CFDP1: variants seen among roughly 807,000 people sequenced by gnomAD.
The protein encoded by CFDP1 is chromatin remodeling protein CFDP1.
Under a neutral mutation model 40.1 loss-of-function variants are expected in CFDP1, and 31 were observed. The ratio of observed to expected loss-of-function variants is 0.77; its 90% CI spans 0.58 to 1.04. The LOEUF is 1.04. Among genes scored for constraint, CFDP1 ranks in the 50% least tolerant of loss-of-function variants. The pLI, the probability that CFDP1 is intolerant of heterozygous loss-of-function variation, is 0.00. For synonymous variants in CFDP1, 167 were observed against 120.0 expected, an observed-to-expected ratio of 1.39 and a Z score of -2.56; for missense variants, 423 against 343.4, an observed-to-expected ratio of 1.23 and a Z score of -1.83.
chr16:75,368,560 A>G (rs189160141), intron 5 of CFDP1, among the ~76,000 whole-genome samples: 4 of 152,394 alleles, frequency 2.6e-5, no homozygotes, highest in Admixed American at 2.0e-4. Flanking sequence ...ATTCAACTTG[A>G]TAACACATAT....
intron 5 of CFDP1, chr16:75,305,410 C>G (rs900946878): frequency 2.0e-6 from 1 of 502,842 alleles, no homozygotes; most frequent in Non-Finnish European, 3.6e-6. Flanking sequence ...GAGCTACGAA[C>G]AGGAAATCCT....
At chr16:75,313,077 C>G (rs1862706) in intron 5 of CFDP1, among the ~76,000 whole-genome samples, 2 of 152,056 alleles carry the variant, frequency 1.3e-5, no homozygotes, top group Non-Finnish European at 2.9e-5. Context: ...TATTGTTCCA[C>G]TGCAACCAGC....
intron 5 of CFDP1, among the ~76,000 whole-genome samples, chr16:75,318,408 C>CTTTTT (rs11437738): frequency 3.6e-5 from 5 of 138,510 alleles, no homozygotes; most frequent in Admixed American, 7.3e-5. Context: ...TTCTTTCTTT[C>CTTTTT]TTTTTTTTTT....
In CFDP1 at chr16:75,412,747, T is replaced by A. The variant is rs756260625; in HGVS notation, c.190A>T (p.Arg64Ter). 6.2e-7 allele frequency: 1 copy of A among 1,612,560 alleles called. No individual in the cohort carries two copies. The highest frequency in any genetic ancestry group is 1.1e-5 in the South Asian group (1 of 91,076). ...TCTTCTAATGAGAGGCCACCTTGTC[T>A]TCTCTTCCTAATCACCAGCAGTCAC... is the stretch of plus-strand genomic sequence containing the variant. Reference protein sequence around the residue: ...KAQSIPARKRRQGGLSLEEEE... With the variant: ...KAQSIPARKR The change falls in exon 3 of 7, where the codon AGA becomes TGA. Residue 64 changes from arginine to a stop codon, truncating the protein, a stop_gained. Transcript: ENST00000283882. LOFTEE classifies it high-confidence loss of function.
At chr16:75,427,415 T>A (rs2079354073) in intron 1 of CFDP1, among the ~76,000 whole-genome samples, 1 of 152,094 alleles carries the variant, frequency 6.6e-6, no homozygotes, top group South Asian at 2.1e-4. Context: ...CATGCCCGGC[T>A]AATTCTTTGT....
chr16:75,306,906 C>T (rs961114275), intron 5 of CFDP1, among the ~76,000 whole-genome samples: 9 of 147,956 alleles, frequency 6.1e-5, no homozygotes, highest in East Asian at 1.9e-4. Context: ...CACACACGCA[C>T]ACACACACAC....
chr16:75,308,885 C>A lies in CFDP1; in HGVS notation c.651-3703G>T, dbSNP rs567305100. On this transcript the variant is annotated intron_variant, in intron 5 of 6. Coordinates refer to ENST00000283882, the MANE Select transcript of CFDP1 (RefSeq NM_006324.3). Reference sequence around the variant, plus strand: ...TGAGGTTTCCAGAAAAGGAAAAAAACCATAATACCCCTTTGCCTTGCTCAC... The same window carrying A: ...TGAGGTTTCCAGAAAAGGAAAAAAAACATAATACCCCTTTGCCTTGCTCAC... Among the ~76,000 whole-genome samples, 16 of 152,204 alleles carry A rather than the reference C, an allele frequency of 1.1e-4. No individual in the cohort carries two copies. In the East Asian group the frequency reaches 2.5e-3, roughly 24 times the overall value.
chr16:75,423,574 G>C (rs2079303243), intron 1 of CFDP1, among the ~76,000 whole-genome samples: 1 of 152,008 alleles, frequency 6.6e-6, no homozygotes, highest in Non-Finnish European at 1.5e-5. Flanking sequence ...GAGAGCAGTG[G>C]TGCGATCTCC....
At position 75,421,499 on chromosome 16, in the gene CFDP1, A is replaced by T. The variant is rs146262457; in HGVS notation, c.65-6804T>A. On this transcript the variant is annotated intron_variant, in intron 1 of 6. Coordinates refer to ENST00000283882, the MANE Select transcript of CFDP1 (RefSeq NM_006324.3). ...GAATCAGAATAACATCCCTGTAGAC[A>T]ATGTAGGCACAAAAGGAACAAATCT... Among the ~76,000 whole-genome samples, 1,003 of 152,334 alleles carry T rather than the reference A, an allele frequency of 6.6e-3. 11 individuals are homozygous for T. The highest frequency in any genetic ancestry group is 0.017 in the Middle Eastern group (5 of 294).
chr16:75,328,989 G>C (rs776265903), intron 5 of CFDP1, among the ~76,000 whole-genome samples: 16 of 152,110 alleles, frequency 1.1e-4, no homozygotes, highest in East Asian at 9.7e-4. Flanking sequence ...TGGGACTACA[G>C]GCATGCGCCA....
intron 5 of CFDP1, among the ~76,000 whole-genome samples, chr16:75,350,475 A>G (rs2078603282): frequency 6.6e-6 from 1 of 152,204 alleles, no homozygotes; most frequent in East Asian, 1.9e-4. Context: ...GCATCTCTCT[A>G]ATGAATAATT....
At chr16:75,415,751 A>T (rs1205541420) in intron 1 of CFDP1, among the ~76,000 whole-genome samples, 1 of 152,166 alleles carries the variant, frequency 6.6e-6, no homozygotes, top group Non-Finnish European at 1.5e-5. Flanking sequence ...GTATGACTAT[A>T]CCATAATCCG....
intron 1 of CFDP1, among the ~76,000 whole-genome samples, chr16:75,415,022 T>C (rs539845676): frequency 1.3e-5 from 2 of 152,332 alleles, no homozygotes; most frequent in African/African-American, 2.4e-5. Flanking sequence ...TTTTAAGTAT[T>C]CACTAAATGA....
intron 5 of CFDP1, among the ~76,000 whole-genome samples, chr16:75,340,739 G>C (rs979110121): frequency 1.3e-5 from 2 of 152,166 alleles, no homozygotes; most frequent in African/African-American, 4.8e-5. Flanking sequence ...TCTGTCTTCT[G>C]TTTTTCATCT....
intron 5 of CFDP1, among the ~76,000 whole-genome samples, chr16:75,384,284 G>C (rs1175603149): frequency 6.6e-6 from 1 of 152,128 alleles, no homozygotes; most frequent in African/African-American, 2.4e-5. Context: ...TTGAACCCAG[G>C]AGGTGGAGGT....
At chr16:75,426,992 T>C (rs531404334) in intron 1 of CFDP1, among the ~76,000 whole-genome samples, 58 of 148,708 alleles carry the variant, frequency 3.9e-4, no homozygotes, top group African/African-American at 1.3e-3. Flanking sequence ...GAGGTGGAGG[T>C]TGTGGTGAGC....
intron 5 of CFDP1, among the ~76,000 whole-genome samples, chr16:75,369,027 AAGACCAAAACAT>A (rs1415614996): frequency 7.9e-5 from 12 of 152,192 alleles, no homozygotes; most frequent in Non-Finnish European, 1.6e-4. Context: ...TTGCTTTATG[AAGACCAAAACAT>A]TTATGTGGCC....
chr16:75,428,542 G>A (rs958081414), intron 1 of CFDP1, among the ~76,000 whole-genome samples: 3 of 151,806 alleles, frequency 2.0e-5, no homozygotes, highest in East Asian at 1.9e-4. Flanking sequence ...GCTTGAACCC[G>A]GAAGGCGGAA....
At chr16:75,296,093 A>C (rs950616967) in intron 6 of CFDP1, among the ~76,000 whole-genome samples, 1 of 152,216 alleles carries the variant, frequency 6.6e-6, no homozygotes, top group Non-Finnish European at 1.5e-5. Flanking sequence ...GGTGAGCCTC[A>C]GCATGAGATC....
Sources: allele counts gnomAD v4.1 joint callset (sites outside exome capture counted in the v4.1 genomes callset), GRCh38; gene constraint gnomAD v4.1.1; transcripts MANE v1.5; gene names NCBI Gene and HGNC (gene_info 2026-07-23, HGNC 2026-07-21).